The following ZFYVE9 variants were observed in gnomAD, a reference collection of about 807,000 sequenced individuals.
The protein encoded by ZFYVE9 is zinc finger FYVE-type containing 9, also known as zinc finger FYVE domain-containing protein 9.
A neutral mutation model predicts 126.7 loss-of-function variants in ZFYVE9; 43 were observed. The observed-to-expected ratio is 0.34, with a 90% CI of 0.27 to 0.44. The LOEUF (loss-of-function observed/expected upper bound fraction) is 0.44. ZFYVE9 is among the 20% of genes least tolerant of loss of function. ZFYVE9 has a pLI of 1.00. For missense variants in ZFYVE9, 1,476 were observed against 1,697.0 expected (o/e 0.87, Z 2.29); for synonymous variants, 521 against 597.4 (o/e 0.87, Z 1.87).
intron 1 of ZFYVE9, among the ~76,000 whole-genome samples, chr1:52,190,489 G>A (rs1404480929): frequency 6.6e-6 from 1 of 152,190 alleles, no homozygotes; most frequent in African/African-American, 2.4e-5. Flanking sequence ...TAATACTGTT[G>A]ATGACTAAAT....
intron 13 of ZFYVE9, among the ~76,000 whole-genome samples, chr1:52,317,228 A>G (rs748202409): frequency 1.8e-4 from 28 of 152,284 alleles, no homozygotes; most frequent in Admixed American, 6.5e-4. Flanking sequence ...CCCTTGTATT[A>G]GAAAAAAAGG....
chr1:52,309,395 C>T (rs948789326), intron 13 of ZFYVE9, among the ~76,000 whole-genome samples: 10 of 152,202 alleles, frequency 6.6e-5, no homozygotes, highest in Non-Finnish European at 1.2e-4. Flanking sequence ...GGGAGGATCA[C>T]CTGAGCCCAG....
chr1:52,274,335 AT>A, intron 7 of ZFYVE9, 128 bp from the exon 8 acceptor site: 3 of 1,180,116 alleles, frequency 2.5e-6, no homozygotes, highest in Non-Finnish European at 2.3e-6. Context: ...GTTAATGAAT[AT>A]TTTGTGCTAC....
At chr1:52,322,710 C>G (rs891853914) in intron 13 of ZFYVE9, among the ~76,000 whole-genome samples, 1 of 151,852 alleles carries the variant, frequency 6.6e-6, no homozygotes, top group Non-Finnish European at 1.5e-5. Context: ...TCATATCACT[C>G]CTCTGCTTAA....
At chr1:52,177,012 ACT>A (rs1644639240) in intron 1 of ZFYVE9, among the ~76,000 whole-genome samples, 1 of 151,530 alleles carries the variant, frequency 6.6e-6, no homozygotes, top group African/African-American at 2.4e-5. Flanking sequence ...TCCTGTGCCC[ACT>A]CTCTGGCACT....
rs1220983835 is a variant in ZFYVE9 at position 52,266,814 on chromosome 1, A to G, written c.2438A>G (p.Lys813Arg). ...PTVMVPVGVL[K>R]HPGAEVAQPR... ...GTGATGGTACCTGTGGGAGTTTTAA[A>G]GCACCCTGGAGCAGAAGGTAGGGGA... Residue 813 changes from lysine (K) to arginine (R), a missense_variant, in exon 6 of 19, where the codon AAG becomes AGG. By Grantham distance (26) the Lys-to-Arg change is conservative. Coordinates refer to ENST00000287727, the MANE Select transcript of ZFYVE9 (RefSeq NM_004799.4). 2.5e-6 allele frequency: 4 copies of G among 1,599,746 alleles called. No individual in the cohort carries two copies. The highest frequency in any genetic ancestry group is 2.6e-6 in the Non-Finnish European group (3 of 1,174,670).
At chr1:52,286,172 CGT>C (rs1645857359) in intron 10 of ZFYVE9, among the ~76,000 whole-genome samples, 1 of 149,150 alleles carries the variant, frequency 6.7e-6, no homozygotes, top group Admixed American at 6.8e-5. Context: ...AAAAAAAAAA[CGT>C]ATCGCAATTT....
chr1:52,158,516 C>T (rs1644424073), intron 1 of ZFYVE9, among the ~76,000 whole-genome samples: 1 of 152,160 alleles, frequency 6.6e-6, no homozygotes, highest in African/African-American at 2.4e-5. Flanking sequence ...TGGGGGCAGC[C>T]ATCTATCCGT....
chr1:52,218,879 A>T (rs1019687492), intron 2 of ZFYVE9, among the ~76,000 whole-genome samples: 2 of 152,076 alleles, frequency 1.3e-5, no homozygotes, highest in Non-Finnish European at 2.9e-5. Context: ...TTGCAGTGAC[A>T]TCTGCTCCTA....
intron 4 of ZFYVE9, among the ~76,000 whole-genome samples, chr1:52,262,941 T>A (rs1385338393): frequency 6.6e-6 from 1 of 151,694 alleles, no homozygotes; most frequent in Non-Finnish European, 1.5e-5. Flanking sequence ...CCAGGCGTGG[T>A]GGCTTACACC....
chr1:52,179,935 AAGATGAGC>A (rs1644681925), intron 1 of ZFYVE9: 1 of 1,056,580 alleles, frequency 9.5e-7, no homozygotes, highest in African/African-American at 1.6e-5. Flanking sequence ...GAGGAGGCAG[AAGATGAGC>A]AGCGCATCCT....
chr1:52,295,847 A>T (rs1483721119), intron 11 of ZFYVE9, 48 bp from the exon 12 acceptor site: 2 of 1,502,616 alleles, frequency 1.3e-6, no homozygotes. Flanking sequence ...TCTTTTACCA[A>T]AGTTTTATGT....
At position 52,207,182 on chromosome 1, in the gene ZFYVE9, A is replaced by G. The variant is rs1454775996; in HGVS notation, c.-142-9187A>G. Among the ~76,000 whole-genome samples the G allele has an allele frequency of 2.0e-5, 3 of 152,358 alleles. No individual in the cohort carries two copies. In the South Asian group the frequency reaches 6.2e-4, roughly 32 times the overall value. On this transcript the variant is annotated intron_variant, in intron 1 of 18. Coordinates refer to ENST00000287727, the MANE Select transcript of ZFYVE9 (RefSeq NM_004799.4). The stretch of plus-strand genomic sequence containing the variant: ...GTATATCTCAGTAGTTTCTGTCCCT[A>G]TGACATGTATATACAAATTTATGTC...
At chr1:52,188,945 T>G (rs560294437) in intron 1 of ZFYVE9, among the ~76,000 whole-genome samples, 19 of 152,144 alleles carry the variant, frequency 1.2e-4, no homozygotes, top group African/African-American at 4.6e-4. Flanking sequence ...ATTTATTTAT[T>G]TATTTATTTT....
intron 4 of ZFYVE9, among the ~76,000 whole-genome samples, chr1:52,245,064 A>G (rs1346600859): frequency 1.3e-5 from 2 of 152,056 alleles, no homozygotes; most frequent in Non-Finnish European, 2.9e-5. Context: ...AGGCTGAGGC[A>G]CGAGAATTAT....
chr1:52,302,080 C>G (rs1173890185), intron 12 of ZFYVE9, among the ~76,000 whole-genome samples: 1 of 152,132 alleles, frequency 6.6e-6, no homozygotes, highest in East Asian at 1.9e-4. Flanking sequence ...AATATAATAA[C>G]TATTGTAATG....
At chr1:52,301,565 A>G (rs952929722) in intron 12 of ZFYVE9, among the ~76,000 whole-genome samples, 1 of 151,908 alleles carries the variant, frequency 6.6e-6, no homozygotes, top group Non-Finnish European at 1.5e-5. Flanking sequence ...CAGCCTCCCA[A>G]AGTATTGGGA....
chr1:52,148,778 AC>A (rs1644327304), intron 1 of ZFYVE9, among the ~76,000 whole-genome samples: 1 of 150,178 alleles, frequency 6.7e-6, no homozygotes, highest in Non-Finnish European at 1.5e-5. Context: ...GGTAGCGGGG[AC>A]TACAGGTGCG....
At chr1:52,305,529 C>T (rs1195646465) in intron 13 of ZFYVE9, among the ~76,000 whole-genome samples, 1 of 152,176 alleles carries the variant, frequency 6.6e-6, no homozygotes, top group Non-Finnish European at 1.5e-5. Context: ...CTGCTGCCAT[C>T]ATGCTGGCTG....
Sources: allele counts gnomAD v4.1 joint callset (sites outside exome capture counted in the v4.1 genomes callset), GRCh38; gene constraint gnomAD v4.1.1; transcripts MANE v1.5; gene names NCBI Gene and HGNC (gene_info 2026-07-23, HGNC 2026-07-21).